Variants in SLC39A11 observed in about 807,000 individuals in gnomAD.
The protein encoded by SLC39A11 is solute carrier family 39 member 11.
Under a neutral mutation model 36.1 loss-of-function variants are expected in SLC39A11, and 33 were observed. That is an observed-to-expected ratio of 0.91 (90% CI 0.69 to 1.22). SLC39A11 has a LOEUF of 1.22. Among genes scored for constraint, SLC39A11 ranks in the 50% most tolerant of loss-of-function variants. The pLI is 0.00. For synonymous variants in SLC39A11, 166 were observed against 170.3 expected, an observed-to-expected ratio of 0.97 and a Z score of 0.20; for missense variants, 432 against 430.3, an observed-to-expected ratio of 1.00 and a Z score of -0.03.
intron 7 of SLC39A11, among the ~76,000 whole-genome samples, chr17:72,714,869 G>C (rs569798191): frequency 6.6e-6 from 1 of 152,204 alleles, no homozygotes; most frequent in African/African-American, 2.4e-5. Flanking sequence ...GAACGTGGCC[G>C]TACTTGTGAA....
intron 7 of SLC39A11, among the ~76,000 whole-genome samples, chr17:72,678,322 C>A (rs1441878918): frequency 6.6e-6 from 1 of 152,094 alleles, no homozygotes; most frequent in East Asian, 1.9e-4. Context: ...GGGAAAATAC[C>A]TTCCCTGTGA....
At chr17:72,829,465 G>A (rs1367346466) in intron 6 of SLC39A11, among the ~76,000 whole-genome samples, 2 of 152,152 alleles carry the variant, frequency 1.3e-5, no homozygotes, top group Admixed American at 6.5e-5. Context: ...ACTAGCTATG[G>A]AGAATGAGGG....
chr17:72,738,100 G>A (rs554092042), intron 6 of SLC39A11, among the ~76,000 whole-genome samples: 1 of 152,148 alleles, frequency 6.6e-6, no homozygotes, highest in African/African-American at 2.4e-5. Flanking sequence ...CGCCTCCCGG[G>A]TTCACGCCAT....
intron 6 of SLC39A11, among the ~76,000 whole-genome samples, chr17:72,793,699 G>C (rs866798619): frequency 1.3e-5 from 2 of 152,122 alleles, no homozygotes; most frequent in South Asian, 2.1e-4. Context: ...CAAAGTGTTG[G>C]GATTACAGGC....
intron 5 of SLC39A11, among the ~76,000 whole-genome samples, chr17:72,902,611 C>T (rs1166979155): frequency 6.6e-6 from 1 of 152,182 alleles, no homozygotes; most frequent in Non-Finnish European, 1.5e-5. Flanking sequence ...AATGAATAAA[C>T]AAATCAACAA....
In SLC39A11 at chr17:72,646,955, A is replaced by AG. The variant is rs1404525596; in HGVS notation, c.*628_*629insC. 3 of 151,434 alleles carry AG rather than the reference A, an allele frequency of 2.0e-5. No homozygotes were observed. The highest frequency in any genetic ancestry group is 7.3e-5 in the African/African-American group (3 of 41,138). The allele number at this position is 151,434 out of a possible 1,614,324, so 9.4% of individuals were successfully genotyped here. A position where few individuals can be genotyped will look rare whatever the true frequency, so the allele number is the denominator to read the frequency against. On this transcript the variant is annotated 3_prime_UTR_variant, in exon 10 of 10. Transcript: ENST00000255559. ...AATGTCAATCTTTGCCTTTAAAAAA[A>AG]AAAAAAAAAAAAGCCAGACTAGCCA...
chr17:73,073,791 CA>C (rs1474225810), intron 3 of SLC39A11: 1 of 152,106 alleles, frequency 6.6e-6, no homozygotes, highest in Non-Finnish European at 1.5e-5. Flanking sequence ...GGGAGGTCAC[CA>C]TCCCAGGGAG....
At chr17:72,919,973 A>C (rs1455308517) in intron 5 of SLC39A11, among the ~76,000 whole-genome samples, 1 of 152,174 alleles carries the variant, frequency 6.6e-6, no homozygotes, top group Non-Finnish European at 1.5e-5. Flanking sequence ...ATGATGTTTG[A>C]GATCAATGGA....
At chr17:72,677,528 A>G (rs1283701150) in intron 7 of SLC39A11, among the ~76,000 whole-genome samples, 1 of 152,202 alleles carries the variant, frequency 6.6e-6, no homozygotes. Flanking sequence ...GCAAATTTAA[A>G]GCCGGAAGTG....
intron 5 of SLC39A11, among the ~76,000 whole-genome samples, chr17:72,936,747 T>C (rs903111): frequency 0.43 from 63,280 of 147,342 alleles, 13,290 homozygotes; most frequent in Admixed American, 0.51. Context: ...ACATAGGAGG[T>C]GGGGGGTAGG....
At chr17:72,768,849 C>T (rs907781336) in intron 6 of SLC39A11, among the ~76,000 whole-genome samples, 7 of 151,276 alleles carry the variant, frequency 4.6e-5, no homozygotes, top group Non-Finnish European at 1.0e-4. Context: ...CAACCTCCAC[C>T]TCCTAGGTTC....
At chr17:72,960,842 T>C (rs1413008584) in intron 4 of SLC39A11, among the ~76,000 whole-genome samples, 1 of 151,744 alleles carries the variant, frequency 6.6e-6, no homozygotes, top group East Asian at 1.9e-4. Context: ...AAAAAACCCT[T>C]CCTTTTTCTT....
intron 6 of SLC39A11, among the ~76,000 whole-genome samples, chr17:72,754,234 G>C (rs1443667629): frequency 2.0e-5 from 3 of 152,096 alleles, no homozygotes; most frequent in Non-Finnish European, 2.9e-5. Context: ...TCATAAGTGG[G>C]AGCTAAGCTA....
At chr17:73,009,912 A>G (rs1226023102) in intron 4 of SLC39A11, among the ~76,000 whole-genome samples, 3 of 135,868 alleles carry the variant, frequency 2.2e-5, no homozygotes, top group Non-Finnish European at 4.7e-5. Flanking sequence ...GACAGGCCCC[A>G]GTGTGTGATG....
chr17:72,822,323 TATAG>T (rs930371477), intron 6 of SLC39A11, among the ~76,000 whole-genome samples: 3 of 146,846 alleles, frequency 2.0e-5, no homozygotes, highest in South Asian at 2.1e-4. Flanking sequence ...ATAATATATA[TATAG>T]AGAGAGAGAG....
intron 7 of SLC39A11, among the ~76,000 whole-genome samples, chr17:72,697,404 A>G (rs2072356430): frequency 6.6e-6 from 1 of 152,086 alleles, no homozygotes; most frequent in South Asian, 2.1e-4. Flanking sequence ...TTTTATTGCA[A>G]AAACTTTCCT....
chr17:73,090,454 A>G (rs2060887872), intron 1 of SLC39A11, among the ~76,000 whole-genome samples: 1 of 152,236 alleles, frequency 6.6e-6, no homozygotes, highest in South Asian at 2.1e-4. Context: ...CATCTTGCTA[A>G]GCCACCCTAA....
chr17:72,748,531 C>T (rs2075032628), intron 6 of SLC39A11, among the ~76,000 whole-genome samples: 1 of 152,172 alleles, frequency 6.6e-6, no homozygotes, highest in Admixed American at 6.5e-5. Context: ...ATTCTCCAGT[C>T]ATGGCTGCCG....
intron 6 of SLC39A11, among the ~76,000 whole-genome samples, chr17:72,818,141 T>G (rs2077644549): frequency 1.3e-5 from 2 of 152,134 alleles, no homozygotes; most frequent in East Asian, 1.9e-4. Flanking sequence ...GAGATTTGGG[T>G]GGGGATACAG....
Sources: gnomAD v4.1 joint callset for allele counts (sites outside exome capture counted in the v4.1 genomes callset) on GRCh38, gnomAD v4.1.1 for gene constraint, MANE v1.5 for transcripts, NCBI Gene and HGNC (gene_info 2026-07-23, HGNC 2026-07-21) for gene names.